Variants in FBRSL1 observed in about 807,000 individuals in gnomAD.
FBRSL1 encodes the protein fibrosin like 1, also known as fibrosin-1-like protein.
Under a neutral mutation model 89.6 loss-of-function variants are expected in FBRSL1, and 51 were observed. The observed-to-expected ratio is 0.57, with a 90% confidence interval of 0.45 to 0.72. The LOEUF (loss-of-function observed/expected upper bound fraction) is 0.72, where lower values mean the gene tolerates loss of function less well. FBRSL1 is among the 30% of genes least tolerant of loss of function. The pLI is 0.00. For missense variants in FBRSL1, 1,618 were observed against 1,451.8 expected, an observed-to-expected ratio of 1.11 and a Z score of -1.86; for synonymous variants, 779 against 681.1, an observed-to-expected ratio of 1.14 and a Z score of -2.24.
intron 15 of FBRSL1, among the ~76,000 whole-genome samples, chr12:132,577,891 G>A (rs1316550735): frequency 6.6e-6 from 1 of 152,312 alleles, no homozygotes; most frequent in African/African-American, 2.4e-5. Context: ...CACGGTGCAC[G>A]CCTTTCTACA....
chr12:132,495,369 G>C (rs2031838726), intron 1 of FBRSL1, among the ~76,000 whole-genome samples: 1 of 152,234 alleles, frequency 6.6e-6, no homozygotes, highest in African/African-American at 2.4e-5. Context: ...GGACCTCCGG[G>C]GACCGCTGAG....
At position 132,566,580 on chromosome 12, in the gene FBRSL1, A is replaced by G. The variant is rs937187532; in HGVS notation, c.646-901A>G. Among the ~76,000 whole-genome samples, 5 of 36,692 alleles carry G rather than the reference A, an allele frequency of 1.4e-4. No homozygotes were observed. The Admixed American group carries it at 1.6e-3, about 12-fold the overall frequency. 24.1% of individuals were successfully genotyped at this position (36,692 alleles called of 152,430 possible). A position where few individuals can be genotyped will look rare whatever the true frequency, so the allele number is the denominator to read the frequency against. ...GCCACCTGCTTGTGGCAGGTGGTTGAGCGAGTTTCTCTGGAAGAGATGGAG... is the reference window on the plus strand; with the variant it reads ...GCCACCTGCTTGTGGCAGGTGGTTGGGCGAGTTTCTCTGGAAGAGATGGAG... On this transcript the variant is annotated intron_variant, in intron 5 of 18. Coordinates refer to ENST00000680143, the MANE Select transcript of FBRSL1 (RefSeq NM_001367871.1).
intron 5 of FBRSL1, among the ~76,000 whole-genome samples, chr12:132,549,584 G>A (rs2037978044): frequency 6.6e-6 from 1 of 152,218 alleles, no homozygotes; most frequent in South Asian, 2.1e-4. Flanking sequence ...CTCTGAGAGA[G>A]GCAGGAAGGA....
intron 2 of FBRSL1, among the ~76,000 whole-genome samples, chr12:132,524,739 GA>G (rs1245636020): frequency 6.6e-6 from 1 of 152,252 alleles, no homozygotes; most frequent in Non-Finnish European, 1.5e-5. Context: ...GCTTCCACGT[GA>G]GTCTGGGCGC....
chr12:132,506,304 A>C (rs1214081500), intron 1 of FBRSL1, among the ~76,000 whole-genome samples: 1 of 152,222 alleles, frequency 6.6e-6, no homozygotes, highest in Non-Finnish European at 1.5e-5. Flanking sequence ...TTTACAGAAA[A>C]TGTGGTAAAT....
intron 4 of FBRSL1, among the ~76,000 whole-genome samples, chr12:132,528,946 C>A (rs531504177): frequency 6.6e-6 from 1 of 152,198 alleles, no homozygotes; most frequent in Non-Finnish European, 1.5e-5. Flanking sequence ...CCCTGCCCCC[C>A]GGACCTGGAG....
chr12:132,539,137 C>G (rs915821889), intron 4 of FBRSL1, among the ~76,000 whole-genome samples: 5 of 152,214 alleles, frequency 3.3e-5, no homozygotes, highest in Admixed American at 6.5e-5. Context: ...ACACACTGCC[C>G]GGCCCCCACC....
At chr12:132,544,276 G>A (rs2037499882) in intron 4 of FBRSL1, among the ~76,000 whole-genome samples, 2 of 152,118 alleles carry the variant, frequency 1.3e-5, no homozygotes, top group South Asian at 4.1e-4. Context: ...AGACTCAGAG[G>A]GGCCTTGTAG....
chr12:132,519,116 C>T (rs772909650), intron 2 of FBRSL1, among the ~76,000 whole-genome samples: 1 of 152,280 alleles, frequency 6.6e-6, no homozygotes, highest in Non-Finnish European at 1.5e-5. Flanking sequence ...AACACTTGGT[C>T]TCTCCCAAAC....
chr12:132,572,723 CT>C, intron 11 of FBRSL1, 101 bp downstream of exon 11: 1 of 818,338 alleles, frequency 1.2e-6, no homozygotes, highest in Non-Finnish European at 2.0e-6. Context: ...AACCACCCCC[CT>C]TTCCCTCCCT....
Position 132,583,347 on chromosome 12 carries a change from C to T in FBRSL1, c.2578C>T (p.Leu860=). 3 of 1,163,156 alleles carry T rather than the reference C, an allele frequency of 2.6e-6. No homozygotes were observed. Among genetic ancestry groups the T allele is most frequent in the Non-Finnish European group, 3.2e-6 (3 of 941,020 alleles). 72.1% of individuals were successfully genotyped at this position (1,163,156 alleles called of 1,614,324 possible). A position where few individuals can be genotyped will look rare whatever the true frequency, so the allele number is the denominator to read the frequency against. The change falls in exon 19 of 19, where the codon CTG becomes TTG. Residue 860 remains leucine, a synonymous_variant. Coordinates refer to ENST00000680143, the MANE Select transcript of FBRSL1 (RefSeq NM_001367871.1). The part of the protein sequence containing the change: ...FAWEPFRGLE[L]PRRAFPAAAP... Reference sequence around the variant, plus strand: ...GTGGGAGCCTTTCCGCGGCCTGGAGCTGCCACGTCGCGCCTTCCCCGCTGC... The same window carrying T: ...GTGGGAGCCTTTCCGCGGCCTGGAGTTGCCACGTCGCGCCTTCCCCGCTGC...
At chr12:132,522,174 C>T (rs1268263033) in intron 2 of FBRSL1, among the ~76,000 whole-genome samples, 2 of 152,136 alleles carry the variant, frequency 1.3e-5, no homozygotes, top group Non-Finnish European at 2.9e-5. Flanking sequence ...GGCGGGGCCA[C>T]TGCTGGCTCC....
In FBRSL1 at chr12:132,572,041, T is replaced by TG. The variant is rs1003614149; in HGVS notation, c.1378-240dup. ...GCCTCAGCCAGGCACACAGACTGCC[T>TG]GGGGGGGCCGAGTTCCCACCCCATG... is the stretch of plus-strand genomic sequence containing the variant. On this transcript the variant is annotated intron_variant, in intron 9 of 18. Transcript: ENST00000680143. 253 of 565,132 alleles carry TG rather than the reference T, an allele frequency of 4.5e-4. 1 individual carries two copies. The highest frequency in any genetic ancestry group is 3.4e-4 in the Non-Finnish European group (107 of 317,662). 35.0% of individuals were successfully genotyped at this position (565,132 alleles called of 1,614,324 possible).
At chr12:132,530,028 A>G (rs2036129745) in intron 4 of FBRSL1, among the ~76,000 whole-genome samples, 2 of 151,700 alleles carry the variant, frequency 1.3e-5, no homozygotes, top group South Asian at 4.1e-4. Context: ...GAGTATGATG[A>G]CACTCCTCCG....
intron 4 of FBRSL1, among the ~76,000 whole-genome samples, chr12:132,541,826 T>C (rs2037293973): frequency 6.6e-6 from 1 of 152,202 alleles, no homozygotes; most frequent in Non-Finnish European, 1.5e-5. Flanking sequence ...TCTGGGAAGA[T>C]GGGGTCCCAC....
At chr12:132,563,923 C>T (rs1448625418) in intron 5 of FBRSL1, among the ~76,000 whole-genome samples, 1 of 129,584 alleles carries the variant, frequency 7.7e-6, no homozygotes, top group Admixed American at 7.9e-5. Context: ...CCCCTGCACC[C>T]CTCCAGCTGA....
chr12:132,521,750 T>C (rs977846061), intron 2 of FBRSL1, among the ~76,000 whole-genome samples: 2 of 152,152 alleles, frequency 1.3e-5, no homozygotes, highest in Non-Finnish European at 2.9e-5. Context: ...AGGGCTGCCA[T>C]TCCCACCGTG....
chr12:132,534,464 C>T (rs540737723), intron 4 of FBRSL1, among the ~76,000 whole-genome samples: 1 of 152,394 alleles, frequency 6.6e-6, no homozygotes, highest in East Asian at 1.9e-4. Context: ...CACCCTCTGC[C>T]AGGGCGGGGT....
intron 4 of FBRSL1, among the ~76,000 whole-genome samples, chr12:132,533,665 C>A (rs1219527693): frequency 6.6e-6 from 1 of 152,264 alleles, no homozygotes; most frequent in African/African-American, 2.4e-5. Flanking sequence ...ACCTGTCCCT[C>A]GTCTGCCACC....
Sources: allele counts gnomAD v4.1 joint callset (sites outside exome capture counted in the v4.1 genomes callset), GRCh38; gene constraint gnomAD v4.1.1; transcripts MANE v1.5; gene names NCBI Gene and HGNC (gene_info 2026-07-23, HGNC 2026-07-21).